Variants in ADAMTS12 observed in about 807,000 individuals in gnomAD.
ADAMTS12 encodes A disintegrin and metalloproteinase with thrombospondin motifs 12.
Under a neutral mutation model 167.8 loss-of-function variants are expected in ADAMTS12, and 118 were observed. The observed-to-expected ratio is 0.70, with a 90% CI of 0.61 to 0.82. The LOEUF (loss-of-function observed/expected upper bound fraction) is 0.82, where lower values mean the gene tolerates loss of function less well. Ranked by LOEUF, ADAMTS12 falls within the 40% of genes least tolerant of loss-of-function variation. The pLI, the probability that ADAMTS12 is intolerant of heterozygous loss-of-function variation, is 0.00. For synonymous variants in ADAMTS12, 704 were observed against 716.9 expected (o/e 0.98, Z 0.29); for missense variants, 1,916 against 1,998.8 (o/e 0.96, Z 0.79).
chr5:33,801,491 T>C (rs1747007849), intron 2 of ADAMTS12, among the ~76,000 whole-genome samples: 1 of 152,188 alleles, frequency 6.6e-6, no homozygotes, highest in South Asian at 2.1e-4. Context: ...GATGTGTCAT[T>C]AGGAAACACA....
chr5:33,614,407 T>C (rs373609573), intron 15 of ADAMTS12, 31 bp from the exon 16 acceptor site: 4 of 1,611,116 alleles, frequency 2.5e-6, no homozygotes, highest in Non-Finnish European at 2.5e-6. Context: ...CATGTCAAAC[T>C]GTCATGACTT....
intron 22 of ADAMTS12, among the ~76,000 whole-genome samples, chr5:33,544,501 GA>G (rs1744865216): frequency 6.6e-6 from 1 of 152,024 alleles, no homozygotes; most frequent in Admixed American, 6.6e-5. Context: ...CACAGAATTG[GA>G]AAAAACTACT....
chr5:33,524,662 C>T lies in ADAMTS12; in HGVS notation c.*2526G>A, dbSNP rs1229608629. 2.0e-5 allele frequency: 3 copies of T among 152,196 alleles called. No individual in the cohort carries two copies. The highest frequency in any genetic ancestry group is 2.9e-5 in the Non-Finnish European group (2 of 68,044). The allele number at this position is 152,196 out of a possible 1,614,324, so 9.4% of individuals were successfully genotyped here. ...GCACTGGGACATGTCAAAATACTGA[C>T]GACTCATCACTGAGTGATCGCCAAG... On this transcript the variant is annotated 3_prime_UTR_variant, in exon 24 of 24. Transcript: ENST00000504830.
intron 19 of ADAMTS12, among the ~76,000 whole-genome samples, chr5:33,567,269 C>T (rs1268506259): frequency 6.6e-6 from 1 of 152,214 alleles, no homozygotes; most frequent in Non-Finnish European, 1.5e-5. Flanking sequence ...GTCTTATTCT[C>T]ATGGCCTACA....
chr5:33,823,926 A>C (rs1448496954), intron 2 of ADAMTS12, among the ~76,000 whole-genome samples: 1 of 152,136 alleles, frequency 6.6e-6, no homozygotes, highest in African/African-American at 2.4e-5. Context: ...ATGTTGGTTA[A>C]TTGGACTGTG....
At chr5:33,876,550 A>G (rs1265950762) in intron 2 of ADAMTS12, among the ~76,000 whole-genome samples, 1 of 152,218 alleles carries the variant, frequency 6.6e-6, no homozygotes, top group African/African-American at 2.4e-5. Flanking sequence ...TGCTGGAACA[A>G]TCAGACATCC....
chr5:33,777,837 C>T (rs1330401195), intron 2 of ADAMTS12, among the ~76,000 whole-genome samples: 1 of 151,446 alleles, frequency 6.6e-6, no homozygotes, highest in African/African-American at 2.4e-5. Context: ...GTTGCAAATA[C>T]AAAATTAACA....
chr5:33,880,944 A>T lies in ADAMTS12; in HGVS notation c.489+175T>A, dbSNP rs1750411659. On this transcript the variant is annotated intron_variant, in intron 2 of 23. Coordinates refer to ENST00000504830, the MANE Select transcript of ADAMTS12 (RefSeq NM_030955.4). ...CTTACTCTTTGTATCTCTCAAGTCG[A>T]TCTCTTTTATTTATTAAATACTTTC... The T allele has an allele frequency of 3.4e-6, 3 of 893,890 alleles. No homozygotes were observed. In the Admixed American group the frequency reaches 8.8e-5, roughly 26 times the overall value. 55.4% of individuals were successfully genotyped at this position (893,890 alleles called of 1,614,324 possible).
chr5:33,718,806 A>G (rs1411369781), intron 3 of ADAMTS12, among the ~76,000 whole-genome samples: 1 of 152,234 alleles, frequency 6.6e-6, no homozygotes, highest in Non-Finnish European at 1.5e-5. Context: ...AGTGCAGTAC[A>G]GCAGTGCACT....
intron 14 of ADAMTS12, among the ~76,000 whole-genome samples, chr5:33,617,294 C>T (rs1260179164): frequency 5.3e-5 from 8 of 151,456 alleles, no homozygotes; most frequent in East Asian, 1.9e-4. Flanking sequence ...ATATGCACTA[C>T]GTTATTTGGT....
chr5:33,759,105 C>T (rs1745262527), intron 2 of ADAMTS12, among the ~76,000 whole-genome samples: 2 of 152,232 alleles, frequency 1.3e-5, no homozygotes, highest in South Asian at 4.2e-4. Context: ...AAGCCATGGC[C>T]GAGGCTTCTA....
chr5:33,802,819 AT>A (rs150764821), intron 2 of ADAMTS12, among the ~76,000 whole-genome samples: 2,230 of 152,286 alleles, frequency 0.015, 64 homozygotes, highest in African/African-American at 0.052. Flanking sequence ...AGTTGCTATT[AT>A]TAGGCAATTT....
chr5:33,805,727 C>T (rs1428213074), intron 2 of ADAMTS12, among the ~76,000 whole-genome samples: 2 of 152,002 alleles, frequency 1.3e-5, no homozygotes, highest in East Asian at 1.9e-4. Flanking sequence ...GATATGTATG[C>T]TGTGAAGGAA....
At chr5:33,696,034 A>AT in intron 3 of ADAMTS12, among the ~76,000 whole-genome samples, 1 of 146,258 alleles carries the variant, frequency 6.8e-6, no homozygotes, top group Non-Finnish European at 1.5e-5. Context: ...TTAATCACTG[A>AT]TTCACAGTCA....
At chr5:33,598,445 C>G (rs1738019539) in intron 16 of ADAMTS12, among the ~76,000 whole-genome samples, 1 of 152,212 alleles carries the variant, frequency 6.6e-6, no homozygotes, top group South Asian at 2.1e-4. Flanking sequence ...GTCCTGAGTT[C>G]TAGTCCCTAC....
At chr5:33,582,833 C>A (rs1434807006) in intron 18 of ADAMTS12, among the ~76,000 whole-genome samples, 1 of 152,090 alleles carries the variant, frequency 6.6e-6, no homozygotes, top group Non-Finnish European at 1.5e-5. Flanking sequence ...TTATTTTTTT[C>A]CATTCCAGTT....
intron 2 of ADAMTS12, among the ~76,000 whole-genome samples, chr5:33,786,027 C>T (rs1323858106): frequency 6.6e-6 from 1 of 152,146 alleles, no homozygotes; most frequent in Non-Finnish European, 1.5e-5. Flanking sequence ...AAATGAACCT[C>T]AAAATATTAT....
At chr5:33,679,140 G>A (rs4527609) in intron 5 of ADAMTS12, among the ~76,000 whole-genome samples, 143,529 of 152,176 alleles carry the variant, frequency 0.94, 67,953 homozygotes, top group Middle Eastern at 0.98. Context: ...ACTTTGTTTC[G>A]TTTGTATCAC....
chr5:33,839,792 C>G (rs752457509), intron 2 of ADAMTS12, among the ~76,000 whole-genome samples: 1 of 152,140 alleles, frequency 6.6e-6, no homozygotes, highest in Admixed American at 6.5e-5. Flanking sequence ...AAACATTAGC[C>G]CTGCTTCTCC....
Sources: gnomAD v4.1 joint callset for allele counts (sites outside exome capture counted in the v4.1 genomes callset) on GRCh38, gnomAD v4.1.1 for gene constraint, MANE v1.5 for transcripts, NCBI Gene and HGNC (gene_info 2026-07-23, HGNC 2026-07-21) for gene names.